CAMKK1: variants seen among roughly 807,000 people sequenced by gnomAD.
CAMKK1 encodes the protein calcium/calmodulin dependent protein kinase kinase 1, also known as calcium/calmodulin-dependent protein kinase kinase 1.
In CAMKK1, 20 loss-of-function variants were observed where a neutral mutation model predicts 63.5. The ratio of observed to expected loss-of-function variants is 0.32; its 90% CI spans 0.22 to 0.46. The LOEUF is 0.46. CAMKK1 is among the 20% of genes least tolerant of loss of function. The pLI is 1.00. For synonymous variants in CAMKK1, 253 were observed against 269.0 expected (o/e 0.94, Z 0.58); for missense variants, 588 against 658.1 (o/e 0.89, Z 1.17).
intron 12 of CAMKK1, among the ~76,000 whole-genome samples, chr17:3,871,378 A>G (rs1328961156): frequency 3.1e-5 from 3 of 96,290 alleles, no homozygotes; most frequent in East Asian, 5.3e-4. Flanking sequence ...TTTTTGAGAC[A>G]GAGTCTCGCT....
In CAMKK1 at chr17:3,868,443, G is replaced by A. The variant is rs529857159; in HGVS notation, c.1341+1044C>T. Among the ~76,000 whole-genome samples, 74 of 128,792 alleles carry A rather than the reference G, an allele frequency of 5.7e-4. 1 individual carries two copies. The highest frequency in any genetic ancestry group is 1.7e-3 in the African/African-American group (66 of 38,408). The allele number at this position is 128,792 out of a possible 152,430, so 84.5% of individuals were successfully genotyped here. Reference sequence around the variant, plus strand: ...GACACAGGTGCTGCCTAACTGATACGTGGGCTCTGGGGGAGACGCAGGCGC... The same window carrying A: ...GACACAGGTGCTGCCTAACTGATACATGGGCTCTGGGGGAGACGCAGGCGC... On this transcript the variant is annotated intron_variant, in intron 14 of 15. Coordinates refer to ENST00000348335, the MANE Select transcript of CAMKK1 (RefSeq NM_032294.3).
chr17:3,891,267 A>T, intron 1 of CAMKK1, among the ~76,000 whole-genome samples: 1 of 152,178 alleles, frequency 6.6e-6, no homozygotes, highest in East Asian at 1.9e-4. Flanking sequence ...GCTCTCATAC[A>T]GTTTAATTTC....
At chr17:3,869,007 G>T (rs533953966) in intron 14 of CAMKK1, among the ~76,000 whole-genome samples, 10 of 135,272 alleles carry the variant, frequency 7.4e-5, no homozygotes, top group African/African-American at 1.1e-4. Context: ...CTCGCTCTGT[G>T]GCCCAGGCTG....
At chr17:3,867,946 G>A in intron 14 of CAMKK1, among the ~76,000 whole-genome samples, 1 of 151,392 alleles carries the variant, frequency 6.6e-6, no homozygotes, top group African/African-American at 2.4e-5. Context: ...GGGAGACACA[G>A]GCACTGTCTA....
At chr17:3,864,526 G>A (rs1460382013) in intron 15 of CAMKK1, among the ~76,000 whole-genome samples, 4 of 152,192 alleles carry the variant, frequency 2.6e-5, no homozygotes, top group South Asian at 2.1e-4. Flanking sequence ...GATTACAGGC[G>A]TGAGCCACCG....
rs1335962369 is a variant in CAMKK1, at chr17:3,869,788, C to T, written c.1212+13G>A. 23 of 1,613,428 alleles carry T rather than the reference C, an allele frequency of 1.4e-5. No homozygotes were observed. Among genetic ancestry groups the T allele is most frequent in the Non-Finnish European group, 2.0e-5 (23 of 1,179,462 alleles). On this transcript the variant is annotated intron_variant, in intron 13 of 15. Transcript: ENST00000348335. The stretch of plus-strand genomic sequence containing the variant: ...TGTGTCCCAGCCCAGCCCAAGACCC[C>T]CAGTTCCCCGACCTTGATGTCTGGC...
In CAMKK1 at chr17:3,882,570, C is replaced by A; in HGVS notation, c.649-6G>T. The A allele has an allele frequency of 6.3e-7, 1 of 1,590,648 alleles. No individual in the cohort carries two copies. On this transcript the variant is annotated splice_polypyrimidine_tract_variant and splice_region_variant and intron_variant, in intron 6 of 15. Transcript: ENST00000348335. The surrounding 1 kb of genome is among the most constrained non-coding windows in gnomAD (Gnocchi z 4.3). ...TCAGCTGGGTCATCCAGGACCTGGTCAGAGGGAGCAGACATGGGGGTGGGG... is the reference window on the plus strand; with the variant it reads ...TCAGCTGGGTCATCCAGGACCTGGTAAGAGGGAGCAGACATGGGGGTGGGG...
rs2055702912 is a variant in CAMKK1, at chr17:3,887,487, G to A, written c.-43-1757C>T. ...AGGCCTCCCTGGAGGAGGTGAAGGA[G>A]GTGAGGAGGCTGAGTGAGGCTAGAG... is the stretch of plus-strand genomic sequence containing the variant. On this transcript the variant is annotated intron_variant, in intron 1 of 15. Coordinates refer to ENST00000348335, the MANE Select transcript of CAMKK1 (RefSeq NM_032294.3). This position sits in a 1 kb window ranked among gnomAD's most constrained non-coding sequence, Gnocchi z 6.1. Among the ~76,000 whole-genome samples the A allele has an allele frequency of 6.6e-6, 1 of 152,040 alleles. No homozygotes were observed. The highest frequency in any genetic ancestry group is 6.5e-5 in the Admixed American group (1 of 15,282).
intron 9 of CAMKK1, among the ~76,000 whole-genome samples, chr17:3,876,666 G>T (rs1387778161): frequency 6.6e-6 from 1 of 152,070 alleles, no homozygotes; most frequent in Admixed American, 6.6e-5. Flanking sequence ...TCCAAGTCCA[G>T]CACCCTCTCC....
rs1455671225 is a variant in CAMKK1 at position 3,882,518 on chromosome 17, G to A, written c.685+10C>T. ...AGTGAGCTGCTGTGGGAATGAGCCA[G>A]GTCACTCACCCAAATAGAGGTTGTC... is the stretch of plus-strand genomic sequence containing the variant. On this transcript the variant is annotated intron_variant, in intron 7 of 15. Transcript: ENST00000348335. This position sits in a 1 kb window ranked among gnomAD's most constrained non-coding sequence, Gnocchi z 4.3. 1.9e-6 allele frequency: 3 copies of A among 1,595,576 alleles called. No homozygotes were observed. Among genetic ancestry groups the A allele is most frequent in the Non-Finnish European group, 2.6e-6 (3 of 1,170,400 alleles).
In CAMKK1 at chr17:3,883,803, T is replaced by C; in HGVS notation, c.462+81A>G. 1 of 1,422,732 alleles carries C rather than the reference T, an allele frequency of 7.0e-7. No individual in the cohort carries two copies. Among genetic ancestry groups the C allele is most frequent in the Non-Finnish European group, 9.9e-7 (1 of 1,009,170 alleles). The allele number at this position is 1,422,732 out of a possible 1,614,324, so 88.1% of individuals were successfully genotyped here. On this transcript the variant is annotated intron_variant, in intron 4 of 15. Transcript: ENST00000348335. The surrounding 1 kb of genome is among the most constrained non-coding windows in gnomAD (Gnocchi z 4.7). ...CTCTCAGGCAGCCCTGTCCTCTATC[T>C]CCTAAGCACAACTCCTGCCCCACCC...
chr17:3,891,183 C>T (rs1037269960), intron 1 of CAMKK1, among the ~76,000 whole-genome samples: 28 of 151,834 alleles, frequency 1.8e-4, no homozygotes, highest in African/African-American at 6.5e-4. Flanking sequence ...AGTCACGGAG[C>T]ACCTGCTGTC....
chr17:3,866,864 C>G (rs1182754865), intron 14 of CAMKK1, among the ~76,000 whole-genome samples: 1 of 152,162 alleles, frequency 6.6e-6, no homozygotes, highest in African/African-American at 2.4e-5. Context: ...GGATTACAGG[C>G]GTCCACCACC....
At chr17:3,888,587 A>G (rs1395557864) in intron 1 of CAMKK1, among the ~76,000 whole-genome samples, 2 of 152,240 alleles carry the variant, frequency 1.3e-5, no homozygotes, top group East Asian at 3.9e-4. Flanking sequence ...CGCTCAGAAC[A>G]GTGCCTGCCA....
Position 3,865,993 on chromosome 17 carries a change from G to C in CAMKK1, c.1360C>G (p.Leu454Val). 1 of 1,614,132 alleles carries C rather than the reference G, an allele frequency of 6.2e-7. No individual in the cohort carries two copies. The highest frequency in any genetic ancestry group is 8.5e-7 in the Non-Finnish European group (1 of 1,180,014). Reference sequence around the variant, plus strand: ...GGGTTCCCAAAGGAACGCTTCCTCAGCATGGACTTCACCAGGATCTGAGGA... The same window carrying C: ...GGGTTCCCAAAGGAACGCTTCCTCACCATGGACTTCACCAGGATCTGAGGA... ...WTTVILVKSM[L>V]RKRSFGNPFE... Residue 454 changes from leucine to valine, a missense_variant, in exon 15 of 16, where the codon CTG becomes GTG. Transcript: ENST00000348335.
chr17:3,883,824 C>T lies in CAMKK1; in HGVS notation c.462+60G>A. 6.4e-7 allele frequency: 1 copy of T among 1,555,668 alleles called. No individual in the cohort carries two copies. Among genetic ancestry groups the T allele is most frequent in the Admixed American group, 1.7e-5 (1 of 59,910 alleles). On this transcript the variant is annotated intron_variant, in intron 4 of 15. Coordinates refer to ENST00000348335, the MANE Select transcript of CAMKK1 (RefSeq NM_032294.3). The surrounding 1 kb of genome is among the most constrained non-coding windows in gnomAD (Gnocchi z 4.7). ...TATCTCCTAAGCACAACTCCTGCCC[C>T]ACCCCTCAGGCTTCCAGGGCCTGGC...
intron 14 of CAMKK1, among the ~76,000 whole-genome samples, chr17:3,867,017 A>G (rs1046250819): frequency 2.6e-5 from 4 of 152,202 alleles, no homozygotes; most frequent in East Asian, 1.9e-4. Flanking sequence ...CACTGCGCCC[A>G]GCCATCATAC....
At chr17:3,875,700 C>A (rs2055118347) in intron 10 of CAMKK1, among the ~76,000 whole-genome samples, 1 of 152,164 alleles carries the variant, frequency 6.6e-6, no homozygotes, top group African/African-American at 2.4e-5. Flanking sequence ...GGGAACTGCG[C>A]CAGACCGTGT....
rs1041633699 is a variant in CAMKK1, at chr17:3,884,705, G to A, written c.361-278C>T. Among the ~76,000 whole-genome samples the A allele has an allele frequency of 6.6e-6, 1 of 152,172 alleles. No individual in the cohort carries two copies. The highest frequency in any genetic ancestry group is 2.4e-5 in the African/African-American group (1 of 41,420). On this transcript the variant is annotated intron_variant, in intron 2 of 15. Transcript: ENST00000348335. This position sits in a 1 kb window ranked among gnomAD's most constrained non-coding sequence, Gnocchi z 4.5. ...GAAGGGAAAACGCTAATTCCTGTCT[G>A]GATTCTGGAGTCTGGAAGACCCTAA...
Sources: allele counts gnomAD v4.1 joint callset (sites outside exome capture counted in the v4.1 genomes callset), GRCh38; gene constraint gnomAD v4.1.1; non-coding constraint Gnocchi (gnomAD v3.1); transcripts MANE v1.5; gene names NCBI Gene and HGNC (gene_info 2026-07-23, HGNC 2026-07-21).